SYT3: variants seen among roughly 807,000 people sequenced by gnomAD.
SYT3 encodes synaptotagmin-3.
In SYT3, 25 loss-of-function variants were observed where a neutral mutation model predicts 50.6. That is an observed-to-expected ratio of 0.49 (90% CI 0.36 to 0.69). The LOEUF (loss-of-function observed/expected upper bound fraction) is 0.69. Ranked by LOEUF, SYT3 falls within the 30% of genes least tolerant of loss-of-function variation. The probability of loss-of-function intolerance (pLI) is 0.00; values close to 1 mark genes in which losing one functional copy is unlikely to be tolerated. For missense variants in SYT3, 589 were observed against 793.6 expected, an observed-to-expected ratio of 0.74 and a Z score of 3.10; for synonymous variants, 323 against 353.9, an observed-to-expected ratio of 0.91 and a Z score of 0.98.
At chr19:50,655,285 A>G in the SYT3 span, among the ~76,000 whole-genome samples, 1 of 152,154 alleles carries the variant, frequency 6.6e-6, no homozygotes, top group African/African-American at 2.4e-5. Context: ...GGGGTGGTCA[A>G]AAAGGGTCCA....
At chr19:50,645,540 TAC>T in the SYT3 span, among the ~76,000 whole-genome samples, 1 of 151,974 alleles carries the variant, frequency 6.6e-6, no homozygotes, top group Admixed American at 6.6e-5. Flanking sequence ...TACAGAAATC[TAC>T]AGAGATGCAG....
chr19:50,637,706 AC>A lies in SYT3; in HGVS notation c.-15-281del, dbSNP rs893781632. The A allele has an allele frequency of 5.9e-6, 2 of 337,344 alleles. No homozygotes were observed. The highest frequency in any genetic ancestry group is 4.2e-5 in the African/African-American group (2 of 48,186). The allele number at this position is 337,344 out of a possible 1,614,324, so 20.9% of individuals were successfully genotyped here. The stretch of plus-strand genomic sequence containing the variant: ...AGCAGGGACTGGGTAAGTCAAGGGG[AC>A]AGAGATGGGCATGAGTGGAGTAGAG... On this transcript the variant is annotated intron_variant, in intron 2 of 10. Coordinates refer to ENST00000600079, the MANE Select transcript of SYT3 (RefSeq NM_001160329.2). This position sits in a 1 kb window ranked among gnomAD's most constrained non-coding sequence, Gnocchi z 4.9.
At chr19:50,641,095 T>C (rs1984661638), upstream of SYT3, among the ~76,000 whole-genome samples, 1 of 146,538 alleles carries the variant, frequency 6.8e-6, no homozygotes, top group Non-Finnish European at 1.5e-5. Flanking sequence ...ACCAAACTAG[T>C]GGGTGTGGTG....
chr19:50,658,033 G>A, the SYT3 span: 16 of 1,535,906 alleles, frequency 1.0e-5, no homozygotes, highest in South Asian at 1.3e-4. Context: ...AAGCCCTGGA[G>A]GCCCAGTTAC....
At position 50,637,249 on chromosome 19, in the gene SYT3, G is replaced by GA; in HGVS notation, c.148+14_148+15insT. ...TGCAAGCAGGGGGCTGGCCAAGACA[G>GA]GCAGGGGTGCTGACCTGCATCTGGA... is the stretch of plus-strand genomic sequence containing the variant. On this transcript the variant is annotated intron_variant, in intron 3 of 10. Coordinates refer to ENST00000600079, the MANE Select transcript of SYT3 (RefSeq NM_001160329.2). The surrounding 1 kb of genome is among the most constrained non-coding windows in gnomAD (Gnocchi z 4.9). 3 of 1,609,748 alleles carry GA rather than the reference G, an allele frequency of 1.9e-6. No homozygotes were observed. The highest frequency in any genetic ancestry group is 2.5e-6 in the Non-Finnish European group (3 of 1,177,438).
chr19:50,630,222 G>T, intron 4 of SYT3, 51 bp from the exon 5 acceptor site: 1 of 1,459,308 alleles, frequency 6.9e-7, no homozygotes, highest in South Asian at 1.5e-5. Flanking sequence ...TCTGATCTTC[G>T]ACTGCATGCA....
Position 50,625,094 on chromosome 19 carries a change from G to A in SYT3, c.1707+68C>T, listed in dbSNP as rs1225769705. ...CGACTCACGAACATGCAGGGCGTTCGTTGCATGGATGAAGGGGCCGAGGGT... is the reference window on the plus strand; with the variant it reads ...CGACTCACGAACATGCAGGGCGTTCATTGCATGGATGAAGGGGCCGAGGGT... On this transcript the variant is annotated intron_variant, in intron 9 of 10. Transcript: ENST00000600079. This position sits in a 1 kb window ranked among gnomAD's most constrained non-coding sequence, Gnocchi z 7.5. 2.6e-5 allele frequency: 37 copies of A among 1,426,416 alleles called. No individual in the cohort carries two copies. The Admixed American group carries it at 6.9e-4, about 26-fold the overall frequency. The allele number at this position is 1,426,416 out of a possible 1,614,324, so 88.4% of individuals were successfully genotyped here.
At chr19:50,633,952 G>A (rs887911248) in intron 3 of SYT3, among the ~76,000 whole-genome samples, 5 of 152,136 alleles carry the variant, frequency 3.3e-5, no homozygotes, top group Admixed American at 2.6e-4. Flanking sequence ...ACACCTCAAC[G>A]CTTCCCAATA....
the SYT3 span, among the ~76,000 whole-genome samples, chr19:50,648,548 C>T: frequency 2.7e-5 from 4 of 150,078 alleles, no homozygotes; most frequent in African/African-American, 9.9e-5. Flanking sequence ...GGCACCTACA[C>T]GGCTAGACCC....
chr19:50,636,521 A>G lies in SYT3; in HGVS notation c.148+743T>C, dbSNP rs1984498696. Among the ~76,000 whole-genome samples, 3 of 152,156 alleles carry G rather than the reference A, an allele frequency of 2.0e-5. No individual in the cohort carries two copies. In the South Asian group the frequency reaches 6.2e-4, roughly 32 times the overall value. The stretch of plus-strand genomic sequence containing the variant: ...CCTGCCCTGGTGCTCAGCAAGTGTG[A>G]CTGTGGTTGTAATCACTCAGCACAT... On this transcript the variant is annotated intron_variant, in intron 3 of 10. Transcript: ENST00000600079.
In SYT3 at chr19:50,629,883, C is replaced by T. The variant is rs1168304567; in HGVS notation, c.963G>A (p.Leu321=). ...YGSDQLVVRI[L]QALDLPAKDS... ...CCTTGGCAGGGAGGTCCAGGGCCTG[C>T]AGGATCCTCACCACCAGCTGGTCCG... Residue 321 remains leucine (L), a synonymous_variant, in exon 5 of 11, where the codon CTG becomes CTA. Coordinates refer to ENST00000600079, the MANE Select transcript of SYT3 (RefSeq NM_001160329.2). 1.2e-6 allele frequency: 2 copies of T among 1,614,110 alleles called. No homozygotes were observed. Among genetic ancestry groups the T allele is most frequent in the Non-Finnish European group, 1.7e-6 (2 of 1,180,002 alleles).
chr19:50,630,102 C>T lies in SYT3; in HGVS notation c.744G>A (p.Glu248=), dbSNP rs1175756668. The change falls in exon 5 of 11, where the codon GAG becomes GAA. Residue 248 remains glutamate (E), a synonymous_variant. Coordinates refer to ENST00000600079, the MANE Select transcript of SYT3 (RefSeq NM_001160329.2). ...GGGGTAAGGGCAGGGCAGGTGGCCG[C>T]TCCTCACTGCTGGGGTCCGGCTGGG... ...LTSQPDPSSE[E]RPPALPLPLP... is the part of the protein sequence containing the mutation. 1.2e-6 allele frequency: 2 copies of T among 1,609,396 alleles called. No homozygotes were observed. The highest frequency in any genetic ancestry group is 1.3e-5 in the African/African-American group (1 of 74,888).
At chr19:50,635,582 T>C (rs1425758600) in intron 3 of SYT3, among the ~76,000 whole-genome samples, 2 of 152,124 alleles carry the variant, frequency 1.3e-5, no homozygotes, top group Non-Finnish European at 2.9e-5. Flanking sequence ...GATTAGAGTG[T>C]CTTTGTTTAC....
At chr19:50,629,114 C>T (rs1203478864) in intron 6 of SYT3, among the ~76,000 whole-genome samples, 180 bp downstream of exon 6, 2 of 152,150 alleles carry the variant, frequency 1.3e-5, no homozygotes, top group Non-Finnish European at 2.9e-5. Context: ...TGAGCTACCG[C>T]GCCCGGCTCA....
rs1026765055 is a variant in SYT3 at position 50,632,267 on chromosome 19, A to G, written c.674+19T>C. On this transcript the variant is annotated intron_variant, in intron 4 of 10. Coordinates refer to ENST00000600079, the MANE Select transcript of SYT3 (RefSeq NM_001160329.2). The surrounding 1 kb of genome is among the most constrained non-coding windows in gnomAD (Gnocchi z 4.7). ...AGCAGAAGTTCAGAGTGGACCCCCAACCCAGTATCCTCTCTCACCTGGTAG... is the reference window on the plus strand; with the variant it reads ...AGCAGAAGTTCAGAGTGGACCCCCAGCCCAGTATCCTCTCTCACCTGGTAG... 6.5e-7 allele frequency: 1 copy of G among 1,541,672 alleles called. No homozygotes were observed. Among genetic ancestry groups the G allele is most frequent in the Non-Finnish European group, 8.8e-7 (1 of 1,139,400 alleles).
At chr19:50,645,436 G>A in the SYT3 span, among the ~76,000 whole-genome samples, 1 of 152,060 alleles carries the variant, frequency 6.6e-6, no homozygotes, top group Non-Finnish European at 1.5e-5. Flanking sequence ...GAGAGATGGA[G>A]ACACAGAAAC....
At chr19:50,657,424 C>G in the SYT3 span, among the ~76,000 whole-genome samples, 10 of 152,306 alleles carry the variant, frequency 6.6e-5, no homozygotes, top group African/African-American at 2.4e-4. Context: ...ATTTTATGTG[C>G]TATGACAACT....
In SYT3 at chr19:50,632,830, G is replaced by GAGGTAGGGGTCAGGATGGGGTCAC; in HGVS notation, c.149-43_149-20dup. 1.3e-6 allele frequency: 2 copies of GAGGTAGGGGTCAGGATGGGGTCAC among 1,486,666 alleles called. No individual in the cohort carries two copies. Among genetic ancestry groups the GAGGTAGGGGTCAGGATGGGGTCAC allele is most frequent in the Non-Finnish European group, 1.8e-6 (2 of 1,121,268 alleles). 92.1% of individuals were successfully genotyped at this position (1,486,666 alleles called of 1,614,324 possible). On this transcript the variant is annotated intron_variant, in intron 3 of 10. Transcript: ENST00000600079. This position sits in a 1 kb window ranked among gnomAD's most constrained non-coding sequence, Gnocchi z 4.7. Reference sequence around the variant, plus strand: ...GAGATGTCTGGAGAGAACGAGGACAGAGGTAGGGGTCAGGATGGGGTCACA... The same window carrying GAGGTAGGGGTCAGGATGGGGTCAC: ...GAGATGTCTGGAGAGAACGAGGACAGAGGTAGGGGTCAGGATGGGGTCACAGGTAGGGGTCAGGATGGGGTCACA...
the SYT3 span, among the ~76,000 whole-genome samples, chr19:50,656,867 G>A: frequency 5.9e-5 from 9 of 151,900 alleles, no homozygotes; most frequent in African/African-American, 1.9e-4. Flanking sequence ...CAGGAGAATC[G>A]CTTGAACCTG....
Sources: allele counts gnomAD v4.1 joint callset (sites outside exome capture counted in the v4.1 genomes callset), GRCh38; gene constraint gnomAD v4.1.1; non-coding constraint Gnocchi (gnomAD v3.1); transcripts MANE v1.5; gene names NCBI Gene and HGNC (gene_info 2026-07-23, HGNC 2026-07-21).